The following QTMAN variants were observed in gnomAD, a reference collection of about 807,000 sequenced individuals.
QTMAN encodes queuosine-tRNA mannosyltransferase.
chr2:144,303,375 G>T, the QTMAN span, among the ~76,000 whole-genome samples: 1 of 152,182 alleles, frequency 6.6e-6, no homozygotes, highest in African/African-American at 2.4e-5. Context: ...TAATGAAGAT[G>T]ATTTATTTAA....
chr2:144,295,304 C>T, the QTMAN span: 18 of 152,214 alleles, frequency 1.2e-4, no homozygotes, highest in Non-Finnish European at 2.5e-4. Flanking sequence ...TTCTGATGCT[C>T]TCAGACAACC....
the QTMAN span, among the ~76,000 whole-genome samples, chr2:144,175,933 G>C: frequency 6.6e-6 from 1 of 152,172 alleles, no homozygotes; most frequent in East Asian, 1.9e-4. Flanking sequence ...TGAAAGTGCT[G>C]AGATTACAGG....
At chr2:144,080,363 G>A in the QTMAN span, among the ~76,000 whole-genome samples, 3 of 152,062 alleles carry the variant, frequency 2.0e-5, no homozygotes, top group Non-Finnish European at 4.4e-5. Context: ...GTGTATTTTA[G>A]GAGGCATAAC....
the QTMAN span, among the ~76,000 whole-genome samples, chr2:144,039,582 A>G: frequency 0.023 from 3,461 of 152,314 alleles, 65 homozygotes; most frequent in Non-Finnish European, 0.037. Flanking sequence ...GTAATGGAAG[A>G]TAAAAATGCA....
chr2:144,169,149 T>G, the QTMAN span, among the ~76,000 whole-genome samples: 1 of 152,282 alleles, frequency 6.6e-6, no homozygotes, highest in African/African-American at 2.4e-5. Context: ...TATAATCACC[T>G]GAGAGATTTA....
the QTMAN span, among the ~76,000 whole-genome samples, chr2:144,314,148 C>G: frequency 6.6e-6 from 1 of 152,078 alleles, no homozygotes; most frequent in African/African-American, 2.4e-5. Flanking sequence ...GAAAAACAGT[C>G]AAATGCTCAT....
At chr2:143,972,081 T>C in the QTMAN span, among the ~76,000 whole-genome samples, 2 of 152,172 alleles carry the variant, frequency 1.3e-5, no homozygotes, top group Admixed American at 1.3e-4. Flanking sequence ...GAAATGTTCA[T>C]TGCTTTTTAA....
the QTMAN span, among the ~76,000 whole-genome samples, chr2:144,061,759 T>A: frequency 6.6e-6 from 1 of 152,090 alleles, no homozygotes; most frequent in Non-Finnish European, 1.5e-5. Flanking sequence ...CCATTTGGCC[T>A]GCCACACCCC....
the QTMAN span, among the ~76,000 whole-genome samples, chr2:143,991,589 G>A: frequency 3.3e-4 from 47 of 141,328 alleles, no homozygotes; most frequent in Middle Eastern, 4.3e-3. Flanking sequence ...CCGACCAGCC[G>A]CCTCGTCCGG....
the QTMAN span, among the ~76,000 whole-genome samples, chr2:144,088,045 T>G: frequency 1.3e-5 from 2 of 152,024 alleles, no homozygotes; most frequent in African/African-American, 4.8e-5. Flanking sequence ...TGATCTTATG[T>G]GTAGAAAACC....
At chr2:144,318,986 T>C in the QTMAN span, among the ~76,000 whole-genome samples, 1 of 152,198 alleles carries the variant, frequency 6.6e-6, no homozygotes, top group Non-Finnish European at 1.5e-5. Flanking sequence ...TCAATTTGGT[T>C]CAGAGAATAC....
chr2:144,281,299 C>A, the QTMAN span, among the ~76,000 whole-genome samples: 71 of 145,158 alleles, frequency 4.9e-4, no homozygotes, highest in South Asian at 0.015. Context: ...TGCTACAATC[C>A]AATAATTCTA....
chr2:144,164,545 TTA>T, the QTMAN span, among the ~76,000 whole-genome samples: 1 of 152,210 alleles, frequency 6.6e-6, no homozygotes, highest in Non-Finnish European at 1.5e-5. Context: ...AAAATGTTAC[TTA>T]TCAAAATTAT....
the QTMAN span, among the ~76,000 whole-genome samples, chr2:144,135,179 T>C: frequency 6.6e-6 from 1 of 152,150 alleles, no homozygotes; most frequent in Non-Finnish European, 1.5e-5. Context: ...TGATCCAATT[T>C]GTTGGAAGTG....
chr2:144,187,051 AATATT>A, the QTMAN span, among the ~76,000 whole-genome samples: 1 of 152,200 alleles, frequency 6.6e-6, no homozygotes, highest in African/African-American at 2.4e-5. Context: ...CATCACAGAA[AATATT>A]ATATAATAGC....
At chr2:144,228,977 G>C in the QTMAN span, among the ~76,000 whole-genome samples, 1 of 152,000 alleles carries the variant, frequency 6.6e-6, no homozygotes, top group Non-Finnish European at 1.5e-5. Flanking sequence ...GAATAAATGA[G>C]AGATTACAAA....
the QTMAN span, among the ~76,000 whole-genome samples, chr2:143,968,734 G>A: frequency 6.6e-6 from 1 of 152,094 alleles, no homozygotes; most frequent in Non-Finnish European, 1.5e-5. Context: ...CTTTGCAAAT[G>A]AGCTGATCTT....
the QTMAN span, among the ~76,000 whole-genome samples, chr2:144,220,866 GTATCC>G: frequency 6.6e-6 from 1 of 152,180 alleles, no homozygotes; most frequent in Non-Finnish European, 1.5e-5. Flanking sequence ...TAGAATTGAA[GTATCC>G]TATTATCCTC....
At chr2:144,072,137 A>G in the QTMAN span, among the ~76,000 whole-genome samples, 2 of 152,184 alleles carry the variant, frequency 1.3e-5, no homozygotes, top group Non-Finnish European at 2.9e-5. Flanking sequence ...ACTTCAATCC[A>G]AGTTCAAGCT....
Sources: allele counts gnomAD v4.1 joint callset (sites outside exome capture counted in the v4.1 genomes callset), GRCh38; gene constraint gnomAD v4.1.1; transcripts MANE v1.5; gene names NCBI Gene and HGNC (gene_info 2026-07-23, HGNC 2026-07-21).